CEP164: variants seen among roughly 807,000 people sequenced by gnomAD.
CEP164 encodes centrosomal protein of 164 kDa.
In CEP164, 162 loss-of-function variants were observed where a neutral mutation model predicts 182.7. That is an observed-to-expected ratio of 0.89 (90% confidence interval 0.78 to 1.01). The LOEUF (loss-of-function observed/expected upper bound fraction) is 1.01, where lower values mean the gene tolerates loss of function less well. Ranked by LOEUF, CEP164 falls within the 50% of genes least tolerant of loss-of-function variation. CEP164 has a pLI of 0.00. For missense variants in CEP164, 1,735 were observed against 1,790.4 expected, an observed-to-expected ratio of 0.97 and a Z score of 0.56; for synonymous variants, 661 against 690.0, an observed-to-expected ratio of 0.96 and a Z score of 0.66.
At chr11:117,358,338 G>A (rs2040540271) in intron 5 of CEP164, among the ~76,000 whole-genome samples, 1 of 152,138 alleles carries the variant, frequency 6.6e-6, no homozygotes, top group African/African-American at 2.4e-5. Flanking sequence ...CCCTCAGCAT[G>A]CTTGTCTCCC....
rs1230685404 is a variant in CEP164, at chr11:117,394,194, G to A, written c.2617-156G>A. ...GCTTGCTGGGGCCAGGGCCGGTGCTGTGCTTGTAACCCTCCTCTTCTCCAA... is the reference window on the plus strand; with the variant it reads ...GCTTGCTGGGGCCAGGGCCGGTGCTATGCTTGTAACCCTCCTCTTCTCCAA... On this transcript the variant is annotated intron_variant, in intron 20 of 32. Transcript: ENST00000278935. The surrounding 1 kb of genome is among the most constrained non-coding windows in gnomAD (Gnocchi z 4.0). Among the ~76,000 whole-genome samples, 1 of 152,234 alleles carries A rather than the reference G, an allele frequency of 6.6e-6. No individual in the cohort carries two copies. Among genetic ancestry groups the A allele is most frequent in the Non-Finnish European group, 1.5e-5 (1 of 68,038 alleles).
At position 117,409,489 on chromosome 11, in the gene CEP164, G is replaced by A. The variant is rs553649696; in HGVS notation, c.3749-129G>A. On this transcript the variant is annotated intron_variant, in intron 29 of 32. Transcript: ENST00000278935. This position sits in a 1 kb window ranked among gnomAD's most constrained non-coding sequence, Gnocchi z 4.4. The stretch of plus-strand genomic sequence containing the variant: ...CCTGCCATCCCTGACCCCCTCATAA[G>A]GTTGAGGGGCTGTTGTCTGGAGAAG... 110 of 799,626 alleles carry A rather than the reference G, an allele frequency of 1.4e-4. No homozygotes were observed. The highest frequency in any genetic ancestry group is 2.0e-4 in the Non-Finnish European group (99 of 493,852). The allele number at this position is 799,626 out of a possible 1,614,324, so 49.5% of individuals were successfully genotyped here. A position where few individuals can be genotyped will look rare whatever the true frequency, so the allele number is the denominator to read the frequency against.
Position 117,394,402 on chromosome 11 carries a change from G to T in CEP164, c.2669G>T (p.Arg890Leu). 6.2e-7 allele frequency: 1 copy of T among 1,612,846 alleles called. No homozygotes were observed. The highest frequency in any genetic ancestry group is 2.2e-5 in the East Asian group (1 of 44,860). ...LLGHLTGELE[R>L]LQRAHERELE... ...GGGCACCTGACCGGAGAGCTGGAGC[G>T]CCTGCAGAGGGCCCATGAACGAGAA... The change falls in exon 21 of 33, where the codon CGC (arginine) becomes CTC (leucine). Residue 890 changes from arginine to leucine, a missense_variant. By Grantham distance (102) the Arg-to-Leu change is moderately radical. Coordinates refer to ENST00000278935, the MANE Select transcript of CEP164 (RefSeq NM_014956.5). The surrounding 1 kb of genome is among the most constrained non-coding windows in gnomAD (Gnocchi z 4.0).
intron 23 of CEP164, 55 bp from the exon 24 acceptor site, chr11:117,395,492 C>T: frequency 1.3e-6 from 2 of 1,543,970 alleles, no homozygotes; most frequent in Non-Finnish European, 8.7e-7. Context: ...CTGTCTGCTC[C>T]CTGGCTTCTC....
chr11:117,398,437 C>T (rs965855847), intron 27 of CEP164, among the ~76,000 whole-genome samples: 8 of 152,170 alleles, frequency 5.3e-5, no homozygotes, highest in South Asian at 4.1e-4. Flanking sequence ...CCTCTTCTCA[C>T]AGCTCTATTA....
intron 27 of CEP164, among the ~76,000 whole-genome samples, 197 bp from the exon 28 acceptor site, chr11:117,407,728 T>C (rs1487587474): frequency 6.6e-6 from 1 of 152,142 alleles, no homozygotes; most frequent in Non-Finnish European, 1.5e-5. Context: ...GTAGGCATGG[T>C]GTTAAGCATG....
intron 28 of CEP164, 76 bp from the exon 29 acceptor site, chr11:117,408,814 A>G: frequency 6.3e-7 from 1 of 1,579,844 alleles, no homozygotes; most frequent in Non-Finnish European, 8.7e-7. Flanking sequence ...TGTCCCAGCC[A>G]CTTCCTAGGA....
intron 28 of CEP164, among the ~76,000 whole-genome samples, chr11:117,408,328 G>A (rs2046947784): frequency 6.6e-6 from 1 of 152,212 alleles, no homozygotes; most frequent in Non-Finnish European, 1.5e-5. Context: ...CCTAAGGACA[G>A]GTGTGACCAG....
chr11:117,326,482 C>T (rs1169953379), upstream of CEP164, among the ~76,000 whole-genome samples: 2 of 152,182 alleles, frequency 1.3e-5, no homozygotes, highest in African/African-American at 2.4e-5. Context: ...ATCCACCCGC[C>T]TTGGCCTCCC....
intron 1 of CEP164, among the ~76,000 whole-genome samples, chr11:117,322,646 C>T (rs1041695971): frequency 6.6e-6 from 1 of 151,940 alleles, no homozygotes; most frequent in Middle Eastern, 3.4e-3. Context: ...ACCTCTGCCT[C>T]CCGGGTGCAA....
intron 20 of CEP164, among the ~76,000 whole-genome samples, chr11:117,393,983 T>C (rs1478742738): frequency 6.6e-6 from 1 of 152,236 alleles, no homozygotes; most frequent in East Asian, 1.9e-4. Flanking sequence ...AGCAGTCCCA[T>C]GATGAAATTT....
Position 117,397,241 on chromosome 11 carries a change from C to T in CEP164, c.3429C>T (p.Ala1143=). The T allele has an allele frequency of 6.2e-7, 1 of 1,614,216 alleles. No homozygotes were observed. The highest frequency in any genetic ancestry group is 8.5e-7 in the Non-Finnish European group (1 of 1,180,042). The part of the protein sequence containing the change: ...AAQQHWRHEL[A]SAQEVAKDPP... Reference sequence around the variant, plus strand: ...AGCAGCATTGGCGCCATGAGCTGGCCAGTGCGCAGGAGGTGGCCAAAGACC... The same window carrying T: ...AGCAGCATTGGCGCCATGAGCTGGCTAGTGCGCAGGAGGTGGCCAAAGACC... Residue 1143 remains alanine, a synonymous_variant, in exon 27 of 33, where the codon GCC becomes GCT. Coordinates refer to ENST00000278935, the MANE Select transcript of CEP164 (RefSeq NM_014956.5).
upstream of CEP164, among the ~76,000 whole-genome samples, chr11:117,327,598 A>G (rs1394111433): frequency 6.6e-6 from 1 of 151,558 alleles, no homozygotes; most frequent in Non-Finnish European, 1.5e-5. Flanking sequence ...CACCGCGCCC[A>G]GCCGATGAGG....
chr11:117,389,283 G>A (rs553778597), intron 15 of CEP164, among the ~76,000 whole-genome samples: 38 of 152,258 alleles, frequency 2.5e-4, no homozygotes, highest in South Asian at 1.7e-3. Context: ...AAAAGGATGT[G>A]GTTTGTGTAA....
intron 4 of CEP164, among the ~76,000 whole-genome samples, chr11:117,348,124 C>T (rs928384931): frequency 6.6e-6 from 1 of 152,034 alleles, no homozygotes; most frequent in Admixed American, 6.6e-5. Context: ...TGTATGTCAC[C>T]ATGCCTGGCT....
chr11:117,397,360 G>A, intron 27 of CEP164, 47 bp downstream of exon 27: 1 of 1,556,130 alleles, frequency 6.4e-7, no homozygotes, highest in African/African-American at 1.4e-5. Flanking sequence ...GGGGGAGGCG[G>A]GGGGAGTCAG....
chr11:117,343,348 T>C (rs561139821), intron 3 of CEP164, among the ~76,000 whole-genome samples: 2 of 152,350 alleles, frequency 1.3e-5, no homozygotes, highest in South Asian at 4.1e-4. Flanking sequence ...TCTGCTCCCA[T>C]AGCATACAGG....
At chr11:117,367,405 A>T (rs2041762393) in intron 8 of CEP164, among the ~76,000 whole-genome samples, 1 of 152,260 alleles carries the variant, frequency 6.6e-6, no homozygotes. Flanking sequence ...GCAGACTAGC[A>T]TGAGCCCATC....
Position 117,408,006 on chromosome 11 carries a change from C to T in CEP164, c.3583C>T (p.Gln1195Ter), listed in dbSNP as rs1039858636. The change falls in exon 28 of 33, where the codon CAG becomes TAG. Residue 1195 changes from glutamine to a stop codon, truncating the protein, a stop_gained. Coordinates refer to ENST00000278935, the MANE Select transcript of CEP164 (RefSeq NM_014956.5). LOFTEE classifies it high-confidence loss of function. ...GAAGAAGAAAGAGGAGAAGCTGAAT[C>T]AGTTGGAGTCCTCTCTTTGGGAAGA... ...LLKKKEEKLN[Q>*]LESSLWEEAS... 1.3e-6 allele frequency: 2 copies of T among 1,595,836 alleles called. No homozygotes were observed. Among genetic ancestry groups the T allele is most frequent in the African/African-American group, 2.7e-5 (2 of 74,740 alleles).
Sources: gnomAD v4.1 joint callset for allele counts (sites outside exome capture counted in the v4.1 genomes callset) on GRCh38, gnomAD v4.1.1 for gene constraint, Gnocchi (gnomAD v3.1) non-coding constraint, MANE v1.5 for transcripts, NCBI Gene and HGNC (gene_info 2026-07-23, HGNC 2026-07-21) for gene names.